SH3BGRL2: variants seen among roughly 807,000 people sequenced by gnomAD.
The protein encoded by SH3BGRL2 is SH3 domain binding glutamate rich protein like 2, also known as SH3 domain-binding glutamic acid-rich-like protein 2.
In SH3BGRL2, 21 loss-of-function variants were observed where a neutral mutation model predicts 14.8. The observed-to-expected ratio is 1.42, with a 90% CI of 1.01 to 2.05. SH3BGRL2 has a LOEUF of 2.05. Among genes scored for constraint, SH3BGRL2 ranks in the 30% most tolerant of loss-of-function variants. SH3BGRL2 has a pLI of 0.00. For missense variants in SH3BGRL2, 147 were observed against 130.8 expected, an observed-to-expected ratio of 1.12 and a Z score of -0.61; for synonymous variants, 50 against 47.8, an observed-to-expected ratio of 1.05 and a Z score of -0.19.
chr6:79,590,014 C>A, the SH3BGRL2 span, among the ~76,000 whole-genome samples: 1 of 152,252 alleles, frequency 6.6e-6, no homozygotes, highest in African/African-American at 2.4e-5. Context: ...CTGAAGGGAT[C>A]TGCCTGCCCC....
upstream of SH3BGRL2, among the ~76,000 whole-genome samples, chr6:79,626,383 T>G (rs1423084989): frequency 6.6e-6 from 1 of 152,218 alleles, no homozygotes; most frequent in Non-Finnish European, 1.5e-5. Context: ...TTATAACTTC[T>G]GCCCTTGCTC....
At chr6:79,544,031 C>T in the SH3BGRL2 span, among the ~76,000 whole-genome samples, 1 of 152,078 alleles carries the variant, frequency 6.6e-6, no homozygotes, top group Non-Finnish European at 1.5e-5. Flanking sequence ...ATAAGTGGCC[C>T]CCAAGAATCC....
At chr6:79,569,206 T>G in the SH3BGRL2 span, among the ~76,000 whole-genome samples, 6 of 152,248 alleles carry the variant, frequency 3.9e-5, no homozygotes, top group African/African-American at 7.2e-5. Context: ...AAAGAATTTC[T>G]GATTGGCAAT....
intron 1 of SH3BGRL2, among the ~76,000 whole-genome samples, chr6:79,637,493 C>A (rs1349612788): frequency 6.6e-6 from 1 of 151,872 alleles, no homozygotes; most frequent in African/African-American, 2.4e-5. Context: ...GAGTTCGAGA[C>A]CAGCCTGGCC....
At chr6:79,612,709 A>G in the SH3BGRL2 span, among the ~76,000 whole-genome samples, 1 of 152,136 alleles carries the variant, frequency 6.6e-6, no homozygotes, top group Non-Finnish European at 1.5e-5. Context: ...ATCAATTCCC[A>G]TTTCCTGAGC....
the SH3BGRL2 span, among the ~76,000 whole-genome samples, chr6:79,625,247 T>TATAC: frequency 0.02 from 3,021 of 150,300 alleles, 93 homozygotes; most frequent in African/African-American, 0.067. Context: ...CATATATATA[T>TATAC]ACACACACAC....
At chr6:79,582,208 G>T in the SH3BGRL2 span, among the ~76,000 whole-genome samples, 1 of 152,072 alleles carries the variant, frequency 6.6e-6, no homozygotes, top group Non-Finnish European at 1.5e-5. Context: ...TGGCCATACT[G>T]CCCAAAGTAA....
At chr6:79,623,077 G>A in the SH3BGRL2 span, among the ~76,000 whole-genome samples, 10 of 152,100 alleles carry the variant, frequency 6.6e-5, no homozygotes, top group Admixed American at 5.9e-4. Flanking sequence ...AGGCTGAGGT[G>A]GGCAGATCAC....
intron 2 of SH3BGRL2, among the ~76,000 whole-genome samples, chr6:79,695,616 T>C (rs1770315584): frequency 6.6e-6 from 1 of 152,190 alleles, no homozygotes; most frequent in Non-Finnish European, 1.5e-5. Context: ...TTATTAGCTG[T>C]CAAACTTGAA....
At chr6:79,561,199 A>T in the SH3BGRL2 span, 1 of 151,700 alleles carries the variant, frequency 6.6e-6, no homozygotes, top group African/African-American at 2.4e-5. Context: ...TTCTTTAATA[A>T]TAAGTAATAA....
At chr6:79,572,201 A>G in the SH3BGRL2 span, among the ~76,000 whole-genome samples, 2 of 152,136 alleles carry the variant, frequency 1.3e-5, no homozygotes, top group African/African-American at 4.8e-5. Flanking sequence ...TTACACTACA[A>G]TTTATTTCCT....
At chr6:79,631,320 G>C, upstream of SH3BGRL2, 1 of 676,784 alleles carries the variant, frequency 1.5e-6, no homozygotes, top group Non-Finnish European at 2.2e-6. Flanking sequence ...GACCCGCCGG[G>C]AGGGAGCCAG....
chr6:79,663,840 G>A (rs1769603038), intron 1 of SH3BGRL2, among the ~76,000 whole-genome samples: 1 of 152,206 alleles, frequency 6.6e-6, no homozygotes. Context: ...GAGCTTCCTG[G>A]TGGCTTTGTT....
chr6:79,629,150 A>G (rs1335823490), upstream of SH3BGRL2, among the ~76,000 whole-genome samples: 1 of 152,202 alleles, frequency 6.6e-6, no homozygotes, highest in African/African-American at 2.4e-5. Context: ...GGACCCTTAG[A>G]TTACAGTATT....
chr6:79,556,987 A>T, the SH3BGRL2 span, among the ~76,000 whole-genome samples: 378 of 152,062 alleles, frequency 2.5e-3, 1 homozygote, highest in East Asian at 0.017. Flanking sequence ...TTAAAAAGTC[A>T]AACATGTGAT....
At chr6:79,556,116 T>C in the SH3BGRL2 span, among the ~76,000 whole-genome samples, 1 of 151,340 alleles carries the variant, frequency 6.6e-6, no homozygotes, top group Non-Finnish European at 1.5e-5. Context: ...TAAAAGCAAA[T>C]ATTTATCAAA....
chr6:79,641,452 G>T (rs138276466), intron 1 of SH3BGRL2, among the ~76,000 whole-genome samples: 13 of 152,188 alleles, frequency 8.5e-5, no homozygotes, highest in Middle Eastern at 3.4e-3. Flanking sequence ...CTACCTCTCT[G>T]TCCTGGCTAT....
intron 1 of SH3BGRL2, among the ~76,000 whole-genome samples, chr6:79,634,316 A>T (rs1470616935): frequency 1.3e-5 from 2 of 152,214 alleles, no homozygotes; most frequent in African/African-American, 4.8e-5. Flanking sequence ...AAGCAATGCC[A>T]CATTATTATG....
At chr6:79,649,883 T>C (rs1769246649) in intron 1 of SH3BGRL2, among the ~76,000 whole-genome samples, 3 of 152,082 alleles carry the variant, frequency 2.0e-5, no homozygotes, top group Admixed American at 2.0e-4. Flanking sequence ...TCTAGCACAA[T>C]GAAAGTCCTT....
Sources: allele counts gnomAD v4.1 joint callset (sites outside exome capture counted in the v4.1 genomes callset), GRCh38; gene constraint gnomAD v4.1.1; transcripts MANE v1.5; gene names NCBI Gene and HGNC (gene_info 2026-07-23, HGNC 2026-07-21).